Variants in EYS observed in about 807,000 individuals in gnomAD.
EYS encodes the protein EGF-like photoreceptor maintenance factor, also known as protein eyes shut homolog.
A neutral mutation model predicts 282.1 loss-of-function variants in EYS; 250 were observed. The ratio of observed to expected loss-of-function variants is 0.89; its 90% confidence interval spans 0.80 to 0.98. EYS has a LOEUF of 0.98. Ranked by LOEUF, EYS falls within the 50% of genes least tolerant of loss-of-function variation. The pLI is 0.00. For missense variants in EYS, 4,016 were observed against 3,709.0 expected (o/e 1.08, Z -2.15); for synonymous variants, 1,355 against 1,282.9 (o/e 1.06, Z -1.20).
intron 12 of EYS, among the ~76,000 whole-genome samples, chr6:65,292,355 G>A (rs1055055238): frequency 6.6e-6 from 1 of 151,616 alleles, no homozygotes; most frequent in African/African-American, 2.4e-5. Context: ...GTGATTATAA[G>A]GGCTAGGTTA....
chr6:64,925,040 A>G (rs1319238168), intron 15 of EYS, among the ~76,000 whole-genome samples: 1 of 152,080 alleles, frequency 6.6e-6, no homozygotes, highest in African/African-American at 2.4e-5. Context: ...GTTCATTTTC[A>G]TGCTGCTGAT....
intron 22 of EYS, among the ~76,000 whole-genome samples, chr6:64,682,396 C>A (rs60319949): frequency 0.052 from 7,949 of 152,012 alleles, 464 homozygotes; most frequent in East Asian, 0.14. Context: ...ACAACAACAA[C>A]AAAAAGTGAT....
chr6:64,739,966 TA>T (rs568022688), intron 22 of EYS, among the ~76,000 whole-genome samples: 1 of 152,030 alleles, frequency 6.6e-6, no homozygotes, highest in African/African-American at 2.4e-5. Flanking sequence ...GTGTTAATAA[TA>T]AAAAAATATA....
intron 22 of EYS, among the ~76,000 whole-genome samples, chr6:64,750,032 G>T (rs1032196435): frequency 1.3e-5 from 2 of 151,778 alleles, no homozygotes; most frequent in Non-Finnish European, 2.9e-5. Context: ...TGTCATTTGG[G>T]ATTAATTTGA....
chr6:65,446,017 A>C (rs1768641775), intron 5 of EYS, among the ~76,000 whole-genome samples: 1 of 151,756 alleles, frequency 6.6e-6, no homozygotes, highest in Admixed American at 6.6e-5. Flanking sequence ...TCATAGTATA[A>C]ATAACATGGT....
At chr6:65,660,493 C>T (rs887599118) in intron 1 of EYS, among the ~76,000 whole-genome samples, 17 of 151,584 alleles carry the variant, frequency 1.1e-4, no homozygotes, top group East Asian at 1.9e-4. Context: ...TATAACTATA[C>T]GCCTTTTTGA....
chr6:65,200,065 A>G (rs749504943), intron 12 of EYS, among the ~76,000 whole-genome samples: 2 of 152,204 alleles, frequency 1.3e-5, no homozygotes, highest in African/African-American at 2.4e-5. Context: ...GCTCAAGACG[A>G]TAACAGTGAG....
chr6:64,142,071 G>A (rs116658166), intron 31 of EYS, among the ~76,000 whole-genome samples: 2,779 of 152,014 alleles, frequency 0.018, 75 homozygotes, highest in African/African-American at 0.063. Flanking sequence ...AAAGCAGACC[G>A]GACAATAAGT....
At chr6:65,382,510 T>C (rs1261301334) in intron 8 of EYS, among the ~76,000 whole-genome samples, 1 of 136,916 alleles carries the variant, frequency 7.3e-6, no homozygotes, top group Non-Finnish European at 1.6e-5. Context: ...TGTGCTCTTC[T>C]AGTTCATCCT....
chr6:65,703,196 A>C (rs150673686), intron 1 of EYS, among the ~76,000 whole-genome samples: 2 of 151,576 alleles, frequency 1.3e-5, no homozygotes, highest in African/African-American at 4.9e-5. Flanking sequence ...TCTCTCCTCT[A>C]TCTCTCTCTC....
chr6:64,242,496 A>C (rs561776459), intron 30 of EYS, among the ~76,000 whole-genome samples: 6 of 152,050 alleles, frequency 3.9e-5, no homozygotes, highest in Non-Finnish European at 8.8e-5. Flanking sequence ...TTTTATGTTC[A>C]TATTTCCTTT....
chr6:65,573,217 A>T (rs1397157354), intron 2 of EYS, among the ~76,000 whole-genome samples: 1 of 152,176 alleles, frequency 6.6e-6, no homozygotes, highest in Non-Finnish European at 1.5e-5. Flanking sequence ...GAGCTCATTA[A>T]TGAATCTGCC....
intron 26 of EYS, among the ~76,000 whole-genome samples, chr6:64,539,527 T>C (rs945442561): frequency 6.6e-6 from 1 of 152,096 alleles, no homozygotes; most frequent in Non-Finnish European, 1.5e-5. Flanking sequence ...GAGATGATTA[T>C]ACCACTGCAC....
chr6:64,984,553 T>A (rs757122328), intron 14 of EYS, among the ~76,000 whole-genome samples: 23 of 151,488 alleles, frequency 1.5e-4, no homozygotes, highest in Non-Finnish European at 3.0e-5. Context: ...GGAAGTTCAA[T>A]GCTCTGTAAT....
intron 30 of EYS, among the ~76,000 whole-genome samples, chr6:64,274,157 C>T (rs995549056): frequency 1.3e-5 from 2 of 152,200 alleles, no homozygotes; most frequent in Non-Finnish European, 2.9e-5. Flanking sequence ...CTTACTTAAT[C>T]TGCTCTACTC....
intron 39 of EYS, among the ~76,000 whole-genome samples, chr6:63,782,633 T>C (rs889516317): frequency 6.6e-6 from 1 of 152,194 alleles, no homozygotes; most frequent in Admixed American, 6.5e-5. Context: ...TATTTGATTC[T>C]TCTCTCTTTT....
chr6:65,336,631 C>T (rs1769999912), intron 10 of EYS, among the ~76,000 whole-genome samples: 2 of 151,428 alleles, frequency 1.3e-5, no homozygotes, highest in African/African-American at 4.8e-5. Flanking sequence ...ATACTTTTAT[C>T]CTTCAGTGGT....
chr6:64,546,854 A>C (rs184429645), intron 26 of EYS, among the ~76,000 whole-genome samples: 22 of 152,334 alleles, frequency 1.4e-4, no homozygotes, highest in Non-Finnish European at 2.5e-4. Flanking sequence ...AATGGCGATC[A>C]TTAAAAAGTC....
intron 22 of EYS, among the ~76,000 whole-genome samples, chr6:64,778,015 T>C (rs1773731933): frequency 6.6e-6 from 1 of 152,152 alleles, no homozygotes; most frequent in Non-Finnish European, 1.5e-5. Flanking sequence ...AATTATCTAG[T>C]TGACTTAATC....
Sources: gnomAD v4.1 joint callset for allele counts (sites outside exome capture counted in the v4.1 genomes callset) on GRCh38, gnomAD v4.1.1 for gene constraint, MANE v1.5 for transcripts, NCBI Gene and HGNC (gene_info 2026-07-23, HGNC 2026-07-21) for gene names.